The following CBX5 variants were observed in gnomAD, a reference collection of about 807,000 sequenced individuals.
CBX5 encodes the protein chromobox 5.
CBX5 carries 7 observed loss-of-function variants against 20.7 expected under a neutral mutation model. That is an observed-to-expected ratio of 0.34 (90% confidence interval 0.19 to 0.63). The LOEUF is 0.63. CBX5 is among the 30% of genes least tolerant of loss of function. The probability of loss-of-function intolerance (pLI) is 0.75; values close to 1 mark genes in which losing one functional copy is unlikely to be tolerated. For missense variants in CBX5, 110 were observed against 224.1 expected (o/e 0.49, Z 3.25); for synonymous variants, 78 against 77.0 (o/e 1.01, Z -0.07).
Position 54,271,057 on chromosome 12 carries a change from AT to A in CBX5, c.-43+8950del, listed in dbSNP as rs546538259. Among the ~76,000 whole-genome samples, 324 of 152,238 alleles carry A rather than the reference AT, an allele frequency of 2.1e-3. 3 individuals carry two copies. Among genetic ancestry groups the A allele is most frequent in the African/African-American group, 7.5e-3 (313 of 41,542 alleles). ...GGTGACAGAACAAGACCCCGTTTAA[AT>A]TTTTTTAAAAAACCTTTATGATTGA... On this transcript the variant is annotated intron_variant, in intron 1 of 4. Transcript: ENST00000209875.
chr12:54,252,369 T>G, intron 2 of CBX5, 142 bp from the exon 3 acceptor site: 3 of 430,618 alleles, frequency 7.0e-6, no homozygotes, highest in African/African-American at 2.2e-5. Context: ...ACAAATTTGA[T>G]CCTAGATTTC....
chr12:54,275,414 T>C (rs1475254718), intron 1 of CBX5, among the ~76,000 whole-genome samples: 1 of 151,968 alleles, frequency 6.6e-6, no homozygotes, highest in Non-Finnish European at 1.5e-5. Flanking sequence ...GCTAATTTTT[T>C]GTATTTTTAG....
intron 2 of CBX5, among the ~76,000 whole-genome samples, chr12:54,253,003 C>T (rs1283866112): frequency 1.4e-5 from 2 of 140,220 alleles, no homozygotes; most frequent in Non-Finnish European, 3.1e-5. Flanking sequence ...AAAAAAAAAG[C>T]AGATCAGTGA....
chr12:54,238,130 C>G lies in CBX5; in HGVS notation c.*3625G>C, dbSNP rs978089668. The G allele has an allele frequency of 1.3e-5, 2 of 152,228 alleles. No homozygotes were observed. Among genetic ancestry groups the G allele is most frequent in the East Asian group, 3.9e-4 (2 of 5,190 alleles). The allele number at this position is 152,228 out of a possible 1,614,324, so 9.4% of individuals were successfully genotyped here. A position where few individuals can be genotyped will look rare whatever the true frequency, so the allele number is the denominator to read the frequency against. On this transcript the variant is annotated 3_prime_UTR_variant, in exon 5 of 5. Transcript: ENST00000209875. ...GCTTGAACCCAGGAGGTGGAGGGTACAGTAAGCCAAGATTGTGCCACTGCA... is the reference window on the plus strand; with the variant it reads ...GCTTGAACCCAGGAGGTGGAGGGTAGAGTAAGCCAAGATTGTGCCACTGCA...
intron 1 of CBX5, among the ~76,000 whole-genome samples, chr12:54,277,357 C>T (rs1216151595): frequency 2.0e-5 from 3 of 152,206 alleles, no homozygotes; most frequent in Non-Finnish European, 4.4e-5. Flanking sequence ...GCACCCGCCA[C>T]CACACCTGGC....
Position 54,239,680 on chromosome 12 carries a change from C to T in CBX5, c.*2075G>A, listed in dbSNP as rs922666524. 2 of 152,292 alleles carry T rather than the reference C, an allele frequency of 1.3e-5. No individual in the cohort carries two copies. Among genetic ancestry groups the T allele is most frequent in the East Asian group, 1.9e-4 (1 of 5,186 alleles). The allele number at this position is 152,292 out of a possible 1,614,324, so 9.4% of individuals were successfully genotyped here. On this transcript the variant is annotated 3_prime_UTR_variant, in exon 5 of 5. Transcript: ENST00000209875. ...AGAAGGAATATAGAGATAAAACTCC[C>T]ACCCACTTGAGGTATGGTTTATGAG...
intron 4 of CBX5, among the ~76,000 whole-genome samples, chr12:54,244,171 T>C (rs966649669): frequency 6.6e-6 from 1 of 150,860 alleles, no homozygotes; most frequent in Non-Finnish European, 1.5e-5. Flanking sequence ...CTGGCTATTT[T>C]TTTTTTTTAT....
At chr12:54,250,999 C>T (rs1364897449) in intron 3 of CBX5, among the ~76,000 whole-genome samples, 14 of 151,274 alleles carry the variant, frequency 9.3e-5, no homozygotes, top group African/African-American at 3.2e-4. Flanking sequence ...GGCATGGTGG[C>T]GTGTGCCTGT....
At chr12:54,278,510 G>A (rs547294619) in intron 1 of CBX5, 2 of 152,292 alleles carry the variant, frequency 1.3e-5, no homozygotes, top group East Asian at 1.9e-4. Flanking sequence ...AAGTCGGAAA[G>A]GTCTCTAATT....
At chr12:54,263,885 T>C (rs1471196032) in intron 1 of CBX5, among the ~76,000 whole-genome samples, 1 of 146,614 alleles carries the variant, frequency 6.8e-6, no homozygotes, top group Non-Finnish European at 1.5e-5. Context: ...CTACTAAAAA[T>C]ACAAAAAATT....
rs200040287 is a variant in CBX5, at chr12:54,260,543, T to TA, written c.-42-2852dup. ...GGTGGAAAAAAATTCCTAAGAAGCTTAAAAAAAAAAAAGAGGAGAGCAGTT... is the reference window on the plus strand; with the variant it reads ...GGTGGAAAAAAATTCCTAAGAAGCTTAAAAAAAAAAAAAGAGGAGAGCAGTT... On this transcript the variant is annotated intron_variant, in intron 1 of 4. Transcript: ENST00000209875. Among the ~76,000 whole-genome samples, 677 of 140,500 alleles carry TA rather than the reference T, an allele frequency of 4.8e-3. 3 individuals carry two copies. Among genetic ancestry groups the TA allele is most frequent in the East Asian group, 0.03 (150 of 4,932 alleles). 92.2% of individuals were successfully genotyped at this position (140,500 alleles called of 152,430 possible). A position where few individuals can be genotyped will look rare whatever the true frequency, so the allele number is the denominator to read the frequency against.
chr12:54,251,223 G>A (rs1250366978), intron 3 of CBX5, among the ~76,000 whole-genome samples: 1 of 151,932 alleles, frequency 6.6e-6, no homozygotes, highest in Admixed American at 6.6e-5. Flanking sequence ...CACTTTGGGA[G>A]GCCAAGGCAG....
Position 54,239,080 on chromosome 12 carries a change from G to A in CBX5, c.*2675C>T, listed in dbSNP as rs909220129. ...GGGCTGAAATCAATACTGGCCTCTG[G>A]CTCCCTACATTCCTATAGAACCAGC... On this transcript the variant is annotated 3_prime_UTR_variant, in exon 5 of 5. Coordinates refer to ENST00000209875, the MANE Select transcript of CBX5 (RefSeq NM_012117.3). 2 of 152,152 alleles carry A rather than the reference G, an allele frequency of 1.3e-5. No individual in the cohort carries two copies. Among genetic ancestry groups the A allele is most frequent in the South Asian group, 2.1e-4 (1 of 4,824 alleles). The allele number at this position is 152,152 out of a possible 1,614,324, so 9.4% of individuals were successfully genotyped here.
chr12:54,259,691 A>G (rs776953740), intron 1 of CBX5: 1 of 152,714 alleles, frequency 6.5e-6, no homozygotes, highest in Non-Finnish European at 1.5e-5. Context: ...GGAGAAGCAA[A>G]TGGAAAAGTT....
At chr12:54,262,426 T>C (rs1943921830) in intron 1 of CBX5, among the ~76,000 whole-genome samples, 1 of 152,232 alleles carries the variant, frequency 6.6e-6, no homozygotes, top group African/African-American at 2.4e-5. Context: ...GAAATGGGTT[T>C]TGTAACCACT....
chr12:54,253,142 T>A (rs1271127396), intron 2 of CBX5, among the ~76,000 whole-genome samples: 1 of 151,614 alleles, frequency 6.6e-6, no homozygotes, highest in Non-Finnish European at 1.5e-5. Flanking sequence ...TTATTCCAAA[T>A]CATTTAATTG....
At chr12:54,267,007 T>C (rs1473041675) in intron 1 of CBX5, among the ~76,000 whole-genome samples, 1 of 152,176 alleles carries the variant, frequency 6.6e-6, no homozygotes, top group Non-Finnish European at 1.5e-5. Flanking sequence ...GGCACCACCA[T>C]GGGAAAATGC....
Position 54,236,358 on chromosome 12 carries a change from G to A in CBX5, c.*5397C>T, listed in dbSNP as rs1943622685. On this transcript the variant is annotated 3_prime_UTR_variant, in exon 5 of 5. Transcript: ENST00000209875. ...CCTCTTTCTGAACCTTGTATCTTCAGGCCAAAAAAATGTCTGTTGAATGAA... is the reference window on the plus strand; with the variant it reads ...CCTCTTTCTGAACCTTGTATCTTCAAGCCAAAAAAATGTCTGTTGAATGAA... 2 of 152,004 alleles carry A rather than the reference G, an allele frequency of 1.3e-5. No individual in the cohort carries two copies. Among genetic ancestry groups the A allele is most frequent in the South Asian group, 4.2e-4 (2 of 4,818 alleles). 9.4% of individuals were successfully genotyped at this position (152,004 alleles called of 1,614,324 possible). A position where few individuals can be genotyped will look rare whatever the true frequency, so the allele number is the denominator to read the frequency against.
At chr12:54,260,009 G>T (rs1173730187) in intron 1 of CBX5, among the ~76,000 whole-genome samples, 1 of 152,064 alleles carries the variant, frequency 6.6e-6, no homozygotes, top group Non-Finnish European at 1.5e-5. Flanking sequence ...TTTACCGTCT[G>T]TCACAGAACA....
Sources: gnomAD v4.1 joint callset for allele counts (sites outside exome capture counted in the v4.1 genomes callset) on GRCh38, gnomAD v4.1.1 for gene constraint, MANE v1.5 for transcripts, NCBI Gene and HGNC (gene_info 2026-07-23, HGNC 2026-07-21) for gene names.